Variants in FBH1 observed in about 807,000 individuals in gnomAD.
FBH1 encodes DNA 3'-5' helicase 1.
FBH1 carries 43 observed loss-of-function variants against 115.5 expected under a neutral mutation model. That is an observed-to-expected ratio of 0.37 (90% CI 0.29 to 0.48). FBH1 has a LOEUF of 0.48. Ranked by LOEUF, FBH1 falls within the 20% of genes least tolerant of loss-of-function variation. The pLI is 0.99. For missense variants in FBH1, 1,001 were observed against 1,337.3 expected (o/e 0.75, Z 3.92); for synonymous variants, 524 against 507.8 (o/e 1.03, Z -0.43).
In FBH1 at chr10:5,911,988, A is replaced by G. The variant is rs922255939; in HGVS notation, c.1211+860A>G. On this transcript the variant is annotated intron_variant, in intron 6 of 20. Coordinates refer to ENST00000362091, the MANE Select transcript of FBH1 (RefSeq NM_178150.3). This position sits in a 1 kb window ranked among gnomAD's most constrained non-coding sequence, Gnocchi z 5.4. ...GACATGTGAGGAAGAGAAAAAGTGCAGTGTGGCAAGGGTGGGAGGGAACAC... is the reference window on the plus strand; with the variant it reads ...GACATGTGAGGAAGAGAAAAAGTGCGGTGTGGCAAGGGTGGGAGGGAACAC... 2.0e-5 allele frequency among the ~76,000 whole-genome samples: 3 copies of G among 152,120 alleles called. No homozygotes were observed. Among genetic ancestry groups the G allele is most frequent in the Admixed American group, 6.6e-5 (1 of 15,262 alleles).
rs1843695297 is a variant in FBH1 at position 5,906,425 on chromosome 10, A to G, written c.546A>G (p.Gln182=). 2 of 1,614,096 alleles carry G rather than the reference A, an allele frequency of 1.2e-6. No individual in the cohort carries two copies. Among genetic ancestry groups the G allele is most frequent in the Non-Finnish European group, 1.7e-6 (2 of 1,180,024 alleles). The change falls in exon 3 of 21, where the codon CAA becomes CAG. Residue 182 remains glutamine, a synonymous_variant. Coordinates refer to ENST00000362091, the MANE Select transcript of FBH1 (RefSeq NM_178150.3). This position sits in a 1 kb window ranked among gnomAD's most constrained non-coding sequence, Gnocchi z 7.3. ...RLSAESGETD[Q]DAGDVGPDPI... ...CTGCGGAGTCTGGTGAAACCGACCA[A>G]GATGCTGGGGACGTGGGTCCTGATC...
chr10:5,899,144 A>C (rs998588671), intron 1 of FBH1, among the ~76,000 whole-genome samples: 1 of 152,132 alleles, frequency 6.6e-6, no homozygotes, highest in Admixed American at 6.5e-5. Context: ...AGACCCTTCA[A>C]CTGAGCCTGA....
rs925609736 is a variant in FBH1, at chr10:5,935,238, C to G, written c.2830-1218C>G. ...GGAGTCAGGTACAGGATGTTCATTGCTGCATTGTTGGAAATAGTTTGGAAA... is the reference window on the plus strand; with the variant it reads ...GGAGTCAGGTACAGGATGTTCATTGGTGCATTGTTGGAAATAGTTTGGAAA... On this transcript the variant is annotated intron_variant, in intron 19 of 20. Coordinates refer to ENST00000362091, the MANE Select transcript of FBH1 (RefSeq NM_178150.3). The surrounding 1 kb of genome is among the most constrained non-coding windows in gnomAD (Gnocchi z 5.2). The G allele has an allele frequency of 1.3e-5, 2 of 152,146 alleles. No homozygotes were observed. The highest frequency in any genetic ancestry group is 4.8e-5 in the African/African-American group (2 of 41,418). The allele number at this position is 152,146 out of a possible 1,614,324, so 9.4% of individuals were successfully genotyped here.
chr10:5,892,510 C>T (rs1416284080), intron 1 of FBH1, among the ~76,000 whole-genome samples: 3 of 152,198 alleles, frequency 2.0e-5, no homozygotes, highest in Non-Finnish European at 4.4e-5. Flanking sequence ...TGTGAAATTA[C>T]CTACTTTTAG....
chr10:5,892,513 A>G (rs1168424731), intron 1 of FBH1, among the ~76,000 whole-genome samples: 2 of 152,196 alleles, frequency 1.3e-5, no homozygotes, highest in Non-Finnish European at 2.9e-5. Context: ...GAAATTACCT[A>G]CTTTTAGAAA....
chr10:5,896,616 G>A (rs945698839), intron 1 of FBH1, among the ~76,000 whole-genome samples: 4 of 152,122 alleles, frequency 2.6e-5, no homozygotes. Context: ...GTCCAAGGGT[G>A]GGAGCACAGA....
intron 2 of FBH1, among the ~76,000 whole-genome samples, chr10:5,903,580 C>T (rs1364637895): frequency 2.6e-5 from 4 of 152,170 alleles, no homozygotes; most frequent in East Asian, 1.9e-4. Context: ...CCACCCGCCT[C>T]GGCCTCCCAA....
rs139464445 is a variant in FBH1, at chr10:5,900,243, A to C, written c.2-2777A>C. Among the ~76,000 whole-genome samples, 1 of 152,354 alleles carries C rather than the reference A, an allele frequency of 6.6e-6. No homozygotes were observed. Among genetic ancestry groups the C allele is most frequent in the Non-Finnish European group, 1.5e-5 (1 of 68,032 alleles). On this transcript the variant is annotated intron_variant, in intron 1 of 20. Coordinates refer to ENST00000362091, the MANE Select transcript of FBH1 (RefSeq NM_178150.3). The surrounding 1 kb of genome is among the most constrained non-coding windows in gnomAD (Gnocchi z 4.2). ...AAATAGAGGAAACAGGTAAGTTTGTATGCATGCAGTTGGATAATTTGACAG... is the reference window on the plus strand; with the variant it reads ...AAATAGAGGAAACAGGTAAGTTTGTCTGCATGCAGTTGGATAATTTGACAG...
chr10:5,907,172 A>G (rs1384762310), intron 3 of FBH1, among the ~76,000 whole-genome samples: 1 of 150,898 alleles, frequency 6.6e-6, no homozygotes. Flanking sequence ...CATGTTGGCC[A>G]GGATGGTCTC....
intron 1 of FBH1, among the ~76,000 whole-genome samples, chr10:5,899,695 G>C (rs775548006): frequency 4.1e-4 from 63 of 152,176 alleles, no homozygotes; most frequent in Non-Finnish European, 6.9e-4. Context: ...GGATTTTCGG[G>C]TGTTCTGGAA....
chr10:5,904,721 T>A (rs946978852), intron 2 of FBH1, among the ~76,000 whole-genome samples: 38 of 152,100 alleles, frequency 2.5e-4, no homozygotes, highest in African/African-American at 7.2e-4. Context: ...TAATATTTTT[T>A]AAAAAAGAAA....
In FBH1 at chr10:5,937,255, A is replaced by G; in HGVS notation, c.3107A>G (p.Glu1036Gly). ...GAGAACATCGTACTGCCCCGGCATG[A>G]GGCCCTGCTCTTCCTCGTCTTCTGA... ...TVENIVLPRH[E>G]ALLFLVF is the part of the protein sequence containing the mutation. Residue 1036 changes from glutamate (E) to glycine (G), a missense_variant, in exon 21 of 21, where the codon GAG (glutamate) becomes GGG (glycine). Physicochemically the swap from Glu to Gly is moderately conservative, Grantham distance 98. Coordinates refer to ENST00000362091, the MANE Select transcript of FBH1 (RefSeq NM_178150.3). 1 of 1,606,760 alleles carries G rather than the reference A, an allele frequency of 6.2e-7. No individual in the cohort carries two copies. The highest frequency in any genetic ancestry group is 8.5e-7 in the Non-Finnish European group (1 of 1,176,082).
At position 5,900,550 on chromosome 10, in the gene FBH1, C is replaced by T. The variant is rs140017611; in HGVS notation, c.2-2470C>T. On this transcript the variant is annotated intron_variant, in intron 1 of 20. Coordinates refer to ENST00000362091, the MANE Select transcript of FBH1 (RefSeq NM_178150.3). The surrounding 1 kb of genome is among the most constrained non-coding windows in gnomAD (Gnocchi z 4.2). Reference sequence around the variant, plus strand: ...TGGGGTTGCACCCAGCTTCTGAGTTCAGGTAGTTAGACGATTTCCAGCGTC... The same window carrying T: ...TGGGGTTGCACCCAGCTTCTGAGTTTAGGTAGTTAGACGATTTCCAGCGTC... Among the ~76,000 whole-genome samples the T allele has an allele frequency of 2.6e-5, 4 of 152,344 alleles. No homozygotes were observed. The highest frequency in any genetic ancestry group is 6.5e-5 in the Admixed American group (1 of 15,302).
At chr10:5,929,914 G>T (rs1170437401) in intron 19 of FBH1, 1 of 152,148 alleles carries the variant, frequency 6.6e-6, no homozygotes, top group Non-Finnish European at 1.5e-5. Flanking sequence ...AGACCCTCCA[G>T]TATGGTTTTC....
chr10:5,902,510 A>G (rs1468373477), intron 1 of FBH1, among the ~76,000 whole-genome samples: 1 of 152,178 alleles, frequency 6.6e-6, no homozygotes, highest in African/African-American at 2.4e-5. Context: ...TGTGTCGCCC[A>G]GATTGGAGTG....
Position 5,909,277 on chromosome 10 carries a change from C to A in FBH1, c.1003C>A (p.Leu335Ile). The part of the protein sequence containing the change: ...EACVRQHLPD[L>I]YAAAGGVNIW... ...GTGTGTGCGGCAACACCTCCCCGAC[C>A]TCTACGCTGCTGCCGGGGTAGGTCT... Residue 335 changes from leucine (L) to isoleucine (I), a missense_variant, in exon 5 of 21, where the codon CTC becomes ATC. By Grantham distance (5) the Leu-to-Ile change is conservative. This residue lies in a region of FBH1 where 420 missense variants were observed against 430.4 expected (regional missense o/e 0.98). Coordinates refer to ENST00000362091, the MANE Select transcript of FBH1 (RefSeq NM_178150.3). The surrounding 1 kb of genome is among the most constrained non-coding windows in gnomAD (Gnocchi z 4.4). 1 of 1,610,616 alleles carries A rather than the reference C, an allele frequency of 6.2e-7. No homozygotes were observed. Among genetic ancestry groups the A allele is most frequent in the Non-Finnish European group, 8.5e-7 (1 of 1,179,962 alleles).
chr10:5,930,790 C>G (rs886885461), intron 19 of FBH1, among the ~76,000 whole-genome samples: 1 of 152,232 alleles, frequency 6.6e-6, no homozygotes, highest in African/African-American at 2.4e-5. Flanking sequence ...CACTCTGTTG[C>G]CTAGGCTTTA....
intron 2 of FBH1, among the ~76,000 whole-genome samples, chr10:5,904,512 G>A (rs1796766868): frequency 6.6e-6 from 1 of 152,132 alleles, no homozygotes. Flanking sequence ...CCCTGACCAC[G>A]TGGTGACATC....
At chr10:5,894,018 G>A (rs1267214544) in intron 1 of FBH1, 2 of 985,304 alleles carry the variant, frequency 2.0e-6, no homozygotes, top group African/African-American at 3.5e-5. Flanking sequence ...CTTGTTGGCT[G>A]TCATACACGA....
Sources: gnomAD v4.1 joint callset for allele counts (sites outside exome capture counted in the v4.1 genomes callset) on GRCh38, gnomAD v4.1.1 for gene constraint, gnomAD v4.1.1 regional missense constraint, Gnocchi (gnomAD v3.1) non-coding constraint, MANE v1.5 for transcripts, NCBI Gene and HGNC (gene_info 2026-07-23, HGNC 2026-07-21) for gene names.